GRIK2: variants seen among roughly 807,000 people sequenced by gnomAD.
GRIK2 encodes glutamate ionotropic receptor kainate type subunit 2.
Under a neutral mutation model 100.3 loss-of-function variants are expected in GRIK2, and 32 were observed. That is an observed-to-expected ratio of 0.32 (90% CI 0.24 to 0.43). The LOEUF is 0.43. Among genes scored for constraint, GRIK2 ranks in the 20% least tolerant of loss-of-function variants. GRIK2 has a pLI of 1.00. For synonymous variants in GRIK2, 417 were observed against 389.4 expected, an observed-to-expected ratio of 1.07 and a Z score of -0.83; for missense variants, 843 against 1,114.9, an observed-to-expected ratio of 0.76 and a Z score of 3.47.
At chr6:102,061,233 GC>G (rs1266405183) in intron 16 of GRIK2, among the ~76,000 whole-genome samples, 1 of 150,404 alleles carries the variant, frequency 6.6e-6, no homozygotes, top group Non-Finnish European at 1.5e-5. Flanking sequence ...TAAAATAATA[GC>G]TTAATAGATA....
chr6:101,498,767 A>G (rs1294636704), intron 2 of GRIK2, among the ~76,000 whole-genome samples: 2 of 152,144 alleles, frequency 1.3e-5, no homozygotes, highest in African/African-American at 4.8e-5. Context: ...TCTGGATATT[A>G]GCCCTTTATC....
Position 101,622,093 on chromosome 6 carries a change from A to T in GRIK2, c.260A>T (p.Asp87Val). The stretch of plus-strand genomic sequence containing the variant: ...GATACCCAGAAGATAAACCTTTATG[A>T]TAGTTTTGAAGCATCCAAGAAAGGT... ...TYDTQKINLY[D>V]SFEASKKACD... The change falls in exon 3 of 17, where the codon GAT (aspartate) becomes GTT (valine). Residue 87 changes from aspartate (D) to valine (V), a missense_variant. Coordinates refer to ENST00000369134, the MANE Select transcript of GRIK2 (RefSeq NM_021956.5). 1 of 1,599,370 alleles carries T rather than the reference A, an allele frequency of 6.3e-7. No homozygotes were observed. Among genetic ancestry groups the T allele is most frequent in the Non-Finnish European group, 8.6e-7 (1 of 1,167,432 alleles).
At chr6:101,962,495 A>G (rs1247351867) in intron 14 of GRIK2, among the ~76,000 whole-genome samples, 1 of 152,082 alleles carries the variant, frequency 6.6e-6, no homozygotes, top group Non-Finnish European at 1.5e-5. Context: ...AGAAGGGTGT[A>G]TATTTTGCTT....
Position 101,924,656 on chromosome 6 carries a change from G to T in GRIK2, c.1804G>T (p.Val602Leu). Residue 602 changes from valine to leucine, a missense_variant, in exon 13 of 17, where the codon GTG becomes TTG. Coordinates refer to ENST00000369134, the MANE Select transcript of GRIK2 (RefSeq NM_021956.5). ...PHPCNPDSDV[V>L]ENNFTLLNSF... is the part of the protein sequence containing the mutation. ...CCCTTGCAACCCTGACTCAGACGTG[G>T]TGGAAAACAATTTTACCTTGCTAAA... The T allele has an allele frequency of 6.2e-7, 1 of 1,612,516 alleles. No individual in the cohort carries two copies. The highest frequency in any genetic ancestry group is 8.5e-7 in the Non-Finnish European group (1 of 1,178,508).
intron 11 of GRIK2, among the ~76,000 whole-genome samples, chr6:101,874,379 T>C (rs1446554454): frequency 2.6e-5 from 4 of 152,192 alleles, no homozygotes; most frequent in African/African-American, 9.7e-5. Context: ...CTTGTTTTTG[T>C]CAGGTTTGTC....
intron 2 of GRIK2, among the ~76,000 whole-genome samples, chr6:101,617,944 G>GTATA (rs1254370527): frequency 6.6e-6 from 1 of 150,882 alleles, no homozygotes; most frequent in Non-Finnish European, 1.5e-5. Flanking sequence ...ATATGTGTGT[G>GTATA]TATATATATG....
intron 7 of GRIK2, among the ~76,000 whole-genome samples, chr6:101,716,180 A>G (rs1774050944): frequency 6.6e-6 from 1 of 151,712 alleles, no homozygotes. Context: ...TTCAGACCAT[A>G]TTTCTCCATC....
At chr6:101,699,920 G>C (rs140763059) in intron 7 of GRIK2, among the ~76,000 whole-genome samples, 174 of 152,204 alleles carry the variant, frequency 1.1e-3, no homozygotes, top group African/African-American at 4.0e-3. Context: ...GCCAAGGTGA[G>C]AGGACTGCTT....
intron 6 of GRIK2, among the ~76,000 whole-genome samples, chr6:101,683,873 T>A (rs1771476215): frequency 1.3e-5 from 2 of 152,200 alleles, no homozygotes; most frequent in African/African-American, 4.8e-5. Context: ...TTTTACTGAT[T>A]TTTCCTTTGT....
chr6:101,944,724 A>G (rs1578286), intron 14 of GRIK2, among the ~76,000 whole-genome samples: 5,209 of 152,230 alleles, frequency 0.034, 317 homozygotes, highest in African/African-American at 0.12. Flanking sequence ...GTAATAATTC[A>G]TTATAATAGG....
chr6:101,727,025 C>A (rs1054610254), intron 7 of GRIK2, among the ~76,000 whole-genome samples: 1 of 151,888 alleles, frequency 6.6e-6, no homozygotes, highest in African/African-American at 2.4e-5. Context: ...TTGCATTTTT[C>A]TCTTTGTTTT....
intron 12 of GRIK2, among the ~76,000 whole-genome samples, chr6:101,904,788 T>C (rs754477066): frequency 4.6e-5 from 7 of 151,538 alleles, no homozygotes; most frequent in Non-Finnish European, 4.4e-5. Flanking sequence ...AGAAAACAGT[T>C]GATAATTTAT....
intron 2 of GRIK2, among the ~76,000 whole-genome samples, chr6:101,539,060 A>G (rs1266385625): frequency 6.6e-6 from 1 of 151,880 alleles, no homozygotes; most frequent in Admixed American, 6.6e-5. Flanking sequence ...ATCAAAGAAT[A>G]TTGAATCAAT....
At chr6:101,597,035 T>C in intron 2 of GRIK2, among the ~76,000 whole-genome samples, 1 of 151,816 alleles carries the variant, frequency 6.6e-6, no homozygotes, top group East Asian at 1.9e-4. Context: ...ATGGTACATA[T>C]ACAACATAAA....
chr6:101,511,040 T>C (rs1582612815), intron 2 of GRIK2, among the ~76,000 whole-genome samples: 1 of 152,172 alleles, frequency 6.6e-6, no homozygotes, highest in African/African-American at 2.4e-5. Flanking sequence ...ACAGGAAACT[T>C]GTAGGACTTT....
chr6:101,697,792 C>A lies in GRIK2; in HGVS notation c.951+11439C>A, dbSNP rs7764210. Among the ~76,000 whole-genome samples the A allele has an allele frequency of 8.1e-3, 1,239 of 152,160 alleles. 13 individuals carry two copies. The highest frequency in any genetic ancestry group is 0.027 in the African/African-American group (1,107 of 41,548). ...CTAACAGTTTAATATTTCTGAGCCT[C>A]AGTTGCCTTAGCTATTCGATGAAAC... On this transcript the variant is annotated intron_variant, in intron 7 of 16. Transcript: ENST00000369134.
At chr6:101,982,587 T>C (rs184398039) in intron 14 of GRIK2, among the ~76,000 whole-genome samples, 23 of 151,250 alleles carry the variant, frequency 1.5e-4, no homozygotes, top group East Asian at 7.9e-4. Flanking sequence ...AAGAGAAAAA[T>C]TGAATTTAAA....
intron 14 of GRIK2, among the ~76,000 whole-genome samples, chr6:101,955,271 A>G (rs943896888): frequency 1.3e-5 from 2 of 152,086 alleles, no homozygotes; most frequent in African/African-American, 4.8e-5. Flanking sequence ...TTATGAAGAA[A>G]TGGTATTAAT....
At chr6:101,653,016 GTCTC>G (rs543000710) in intron 4 of GRIK2, among the ~76,000 whole-genome samples, 8 of 144,732 alleles carry the variant, frequency 5.5e-5, no homozygotes, top group Admixed American at 3.4e-4. Flanking sequence ...CTTCTCCTCT[GTCTC>G]TCTATCTTTT....
Sources: allele counts gnomAD v4.1 joint callset (sites outside exome capture counted in the v4.1 genomes callset), GRCh38; gene constraint gnomAD v4.1.1; transcripts MANE v1.5; gene names NCBI Gene and HGNC (gene_info 2026-07-23, HGNC 2026-07-21).